Variants in WNK1 observed in about 807,000 individuals in gnomAD.
WNK1 encodes the protein serine/threonine-protein kinase WNK1.
Under a neutral mutation model 222.8 loss-of-function variants are expected in WNK1, and 38 were observed. The observed-to-expected ratio is 0.17, with a 90% confidence interval of 0.13 to 0.22. The LOEUF (loss-of-function observed/expected upper bound fraction) is 0.22, where lower values mean the gene tolerates loss of function less well. Ranked by LOEUF, WNK1 falls within the 10% of genes least tolerant of loss-of-function variation. The probability of loss-of-function intolerance (pLI) is 1.00; values close to 1 mark genes in which losing one functional copy is unlikely to be tolerated. For synonymous variants in WNK1, 1,090 were observed against 1,092.9 expected, an observed-to-expected ratio of 1.00 and a Z score of 0.05; for missense variants, 2,348 against 2,918.4, an observed-to-expected ratio of 0.80 and a Z score of 4.50.
chr12:763,890 G>T (rs74058214), intron 1 of WNK1, among the ~76,000 whole-genome samples: 92 of 147,098 alleles, frequency 6.3e-4, no homozygotes, highest in Middle Eastern at 3.6e-3. Context: ...AAAATCAAAG[G>T]TTTTTTTTAA....
intron 10 of WNK1, 100 bp from the exon 11 acceptor site, chr12:879,472 TC>T: frequency 5.3e-6 from 4 of 755,886 alleles, no homozygotes; most frequent in South Asian, 2.0e-5. Context: ...GTTTTTTCCT[TC>T]TTTTTGGCTA....
At chr12:897,143 C>T (rs1012816720) in intron 24 of WNK1, among the ~76,000 whole-genome samples, 6 of 152,128 alleles carry the variant, frequency 3.9e-5, no homozygotes, top group African/African-American at 1.4e-4. Flanking sequence ...GAATCTGGCA[C>T]TGGGATGTAT....
chr12:907,788 T>A (rs1955832344), intron 26 of WNK1, 59 bp from the exon 27 acceptor site: 2 of 1,601,952 alleles, frequency 1.2e-6, no homozygotes, highest in South Asian at 2.2e-5. Flanking sequence ...AAGTTTTCCC[T>A]CTTCCTGAAA....
intron 24 of WNK1, 102 bp from the exon 25 acceptor site, chr12:897,377 A>G: frequency 1.2e-6 from 1 of 810,870 alleles, no homozygotes; most frequent in Non-Finnish European, 2.1e-6. Flanking sequence ...GTTCATTAGT[A>G]ACTACTACAT....
intron 4 of WNK1, among the ~76,000 whole-genome samples, chr12:832,309 T>C (rs11064559): frequency 0.23 from 34,569 of 152,000 alleles, 4,794 homozygotes; most frequent in East Asian, 0.51. Flanking sequence ...TCTCCTGACC[T>C]TGTGATCTGC....
chr12:811,780 T>C (rs1946930106), intron 1 of WNK1, among the ~76,000 whole-genome samples: 1 of 152,198 alleles, frequency 6.6e-6, no homozygotes, highest in Non-Finnish European at 1.5e-5. Context: ...AATTATTTGT[T>C]TAGGTTTCCC....
chr12:883,693 C>G, intron 16 of WNK1, 81 bp from the exon 17 acceptor site: 1 of 1,595,100 alleles, frequency 6.3e-7, no homozygotes, highest in Non-Finnish European at 8.6e-7. Context: ...CTTTTATGTT[C>G]TCTTCACATG....
chr12:757,310 T>C (rs977377350), intron 1 of WNK1, among the ~76,000 whole-genome samples: 83 of 50,334 alleles, frequency 1.6e-3, no homozygotes, highest in African/African-American at 4.2e-3. Flanking sequence ...GCATCAATTC[T>C]TTTTTTTTTT....
At chr12:787,850 T>C (rs1219838387) in intron 1 of WNK1, among the ~76,000 whole-genome samples, 1 of 152,292 alleles carries the variant, frequency 6.6e-6, no homozygotes, top group East Asian at 1.9e-4. Flanking sequence ...TGTGCGTGTG[T>C]GTGTAATTTT....
chr12:878,337 G>C lies in WNK1; in HGVS notation c.2349G>C (p.Leu783Phe), dbSNP rs766885698. The C allele has an allele frequency of 1.9e-6, 3 of 1,613,052 alleles. No individual in the cohort carries two copies. The East Asian group carries it at 6.7e-5, about 36-fold the overall frequency. ...PVSQPQAPQV[L>F]PQVSAGKQLP... ...GTCAGCCTCAAGCTCCACAAGTCTT[G>C]CCTCAAGTATCAGCTGGAAAACAGG... is the stretch of plus-strand genomic sequence containing the variant. Residue 783 changes from leucine (L) to phenylalanine (F), a missense_variant, in exon 10 of 28, where the codon TTG becomes TTC. This residue lies in a region of WNK1 where 547 missense variants were observed against 558.3 expected (regional missense o/e 0.98). Coordinates refer to ENST00000315939, the MANE Select transcript of WNK1 (RefSeq NM_018979.4).
At chr12:767,724 T>C (rs1042035510) in intron 1 of WNK1, among the ~76,000 whole-genome samples, 1 of 152,174 alleles carries the variant, frequency 6.6e-6, no homozygotes, top group African/African-American at 2.4e-5. Flanking sequence ...CATTGAAGTT[T>C]ATCAGGGAAT....
chr12:865,369 G>T, intron 8 of WNK1: 1 of 1,532,084 alleles, frequency 6.5e-7, no homozygotes, highest in African/African-American at 1.4e-5. Context: ...AGTACTGTAT[G>T]TAACTGTAAA....
At chr12:880,053 G>A in intron 11 of WNK1, 22 bp downstream of exon 11, 1 of 1,609,170 alleles carries the variant, frequency 6.2e-7, no homozygotes, top group East Asian at 2.2e-5. Flanking sequence ...GTTAGCAAAA[G>A]AGGGCACCAC....
chr12:895,978 A>C (rs1014393815), intron 23 of WNK1, 93 bp from the exon 24 acceptor site: 2 of 1,549,958 alleles, frequency 1.3e-6, no homozygotes, highest in African/African-American at 1.4e-5. Context: ...TGACAGGGAA[A>C]TAAAGTGATT....
rs180776917 is a variant in WNK1, at chr12:803,178, C to T, written c.760-10464C>T. On this transcript the variant is annotated intron_variant, in intron 1 of 27. Transcript: ENST00000315939. ...AAATAATGGTTACTTTGAAAATCCA[C>T]AGTAAATGCTGCTGATTTGACAAGG... is the stretch of plus-strand genomic sequence containing the variant. Among the ~76,000 whole-genome samples the T allele has an allele frequency of 4.1e-3, 628 of 152,264 alleles. 3 individuals are homozygous for T. The highest frequency in any genetic ancestry group is 0.011 in the South Asian group (51 of 4,832).
At position 798,102 on chromosome 12, in the gene WNK1, A is replaced by G. The variant is rs773931141; in HGVS notation, c.760-15540A>G. Among the ~76,000 whole-genome samples the G allele has an allele frequency of 7.2e-5, 11 of 152,210 alleles. No individual in the cohort carries two copies. The Middle Eastern group carries it at 0.024, about 329-fold the overall frequency. On this transcript the variant is annotated intron_variant, in intron 1 of 27. Coordinates refer to ENST00000315939, the MANE Select transcript of WNK1 (RefSeq NM_018979.4). ...TGACATTTCTCTAAGGTAACTAGTT[A>G]TGGATAGAGCTCCTTTTTATACTTC... is the stretch of plus-strand genomic sequence containing the variant.
chr12:866,328 G>A (rs1315690862), intron 8 of WNK1, among the ~76,000 whole-genome samples: 1 of 152,136 alleles, frequency 6.6e-6, no homozygotes, highest in South Asian at 2.1e-4. Flanking sequence ...TAAAAAGCGG[G>A]GGAGGCTGTG....
intron 2 of WNK1, among the ~76,000 whole-genome samples, chr12:823,179 A>C (rs1948047388): frequency 6.6e-6 from 1 of 152,182 alleles, no homozygotes. Flanking sequence ...CATGGTCATA[A>C]GTCACTTCTC....
At chr12:896,920 ACACACACACACACACACACG>A (rs1221102628) in intron 24 of WNK1, among the ~76,000 whole-genome samples, 188 bp downstream of exon 24, 1 of 104,040 alleles carries the variant, frequency 9.6e-6, no homozygotes, top group Non-Finnish European at 2.2e-5. Context: ...ACACACACAC[ACACACACACACACACACACG>A]ATTCCCAACC....
Sources: allele counts gnomAD v4.1 joint callset (sites outside exome capture counted in the v4.1 genomes callset), GRCh38; gene constraint gnomAD v4.1.1; regional missense constraint gnomAD v4.1.1; transcripts MANE v1.5; gene names NCBI Gene and HGNC (gene_info 2026-07-23, HGNC 2026-07-21).